PDGFRL: variants seen among roughly 807,000 people sequenced by gnomAD.
The protein encoded by PDGFRL is platelet-derived growth factor receptor-like protein.
Under a neutral mutation model 37.2 loss-of-function variants are expected in PDGFRL, and 46 were observed. That is an observed-to-expected ratio of 1.24 (90% CI 0.98 to 1.58). The LOEUF is 1.58. PDGFRL is among the 40% of genes most tolerant of loss of function. The pLI, the probability that PDGFRL is intolerant of heterozygous loss-of-function variation, is 0.00. For synonymous variants in PDGFRL, 251 were observed against 184.3 expected (o/e 1.36, Z -2.93); for missense variants, 692 against 467.6 (o/e 1.48, Z -4.43).
chr8:17,637,078 C>T (rs964280797), intron 5 of PDGFRL, among the ~76,000 whole-genome samples: 7 of 152,144 alleles, frequency 4.6e-5, no homozygotes, highest in Non-Finnish European at 7.4e-5. Context: ...AGTTTGACTT[C>T]GCTTTATTGA....
intron 3 of PDGFRL, among the ~76,000 whole-genome samples, chr8:17,622,300 T>C (rs1804650439): frequency 6.6e-6 from 1 of 152,242 alleles, no homozygotes; most frequent in Admixed American, 6.5e-5. Context: ...CCTCGTCCTA[T>C]TGTCGTCCAA....
At chr8:17,585,111 T>C (rs1317855468) in intron 1 of PDGFRL, among the ~76,000 whole-genome samples, 2 of 152,158 alleles carry the variant, frequency 1.3e-5, no homozygotes, top group African/African-American at 4.8e-5. Flanking sequence ...TGGGAGTGTC[T>C]TCTAGCATGC....
At chr8:17,617,520 C>A (rs1466560448) in intron 2 of PDGFRL, among the ~76,000 whole-genome samples, 5 of 152,070 alleles carry the variant, frequency 3.3e-5, no homozygotes, top group Non-Finnish European at 7.4e-5. Flanking sequence ...CTGCAGAGGC[C>A]CTCGGTCACT....
chr8:17,633,764 C>A (rs566499217), intron 4 of PDGFRL, among the ~76,000 whole-genome samples: 7 of 152,184 alleles, frequency 4.6e-5, no homozygotes, highest in Non-Finnish European at 8.8e-5. Context: ...CTAGGGACTT[C>A]TTCCCCCTCA....
chr8:17,622,579 T>G (rs77648800), intron 3 of PDGFRL, among the ~76,000 whole-genome samples: 7 of 152,194 alleles, frequency 4.6e-5, no homozygotes, highest in Non-Finnish European at 1.0e-4. Context: ...TGGAAGCACA[T>G]GTATCTCATT....
intron 5 of PDGFRL, among the ~76,000 whole-genome samples, chr8:17,639,925 T>C (rs1029167638): frequency 1.3e-5 from 2 of 152,232 alleles, no homozygotes; most frequent in African/African-American, 4.8e-5. Flanking sequence ...ATTCTTAGGT[T>C]TGTTTGTTTA....
intron 2 of PDGFRL, among the ~76,000 whole-genome samples, chr8:17,604,958 G>T (rs1384920992): frequency 1.3e-5 from 2 of 151,940 alleles, no homozygotes; most frequent in Non-Finnish European, 2.9e-5. Flanking sequence ...TACGAAAAAA[G>T]ATACACAAAT....
At chr8:17,581,982 G>C (rs1404802506) in intron 1 of PDGFRL, among the ~76,000 whole-genome samples, 3 of 152,148 alleles carry the variant, frequency 2.0e-5, no homozygotes, top group African/African-American at 2.4e-5. Context: ...AGTTTGGAGG[G>C]CTCAGAAGAA....
intron 2 of PDGFRL, among the ~76,000 whole-genome samples, chr8:17,611,593 G>A (rs144591942): frequency 9.3e-4 from 141 of 152,294 alleles, no homozygotes; most frequent in African/African-American, 3.1e-3. Flanking sequence ...GTGAAAATGA[G>A]CCGATGTGTC....
At chr8:17,605,523 G>GGT (rs1244181232) in intron 2 of PDGFRL, among the ~76,000 whole-genome samples, 6 of 152,038 alleles carry the variant, frequency 3.9e-5, no homozygotes, top group Admixed American at 3.9e-4. Flanking sequence ...ACACTTCCAG[G>GGT]GTGTAAAGCC....
At chr8:17,586,371 G>A (rs1803816861) in intron 1 of PDGFRL, among the ~76,000 whole-genome samples, 1 of 152,162 alleles carries the variant, frequency 6.6e-6, no homozygotes, top group Admixed American at 6.5e-5. Context: ...GGTTCTGTTT[G>A]GCTTGGAACT....
At chr8:17,615,580 G>A (rs7357517) in intron 2 of PDGFRL, among the ~76,000 whole-genome samples, 4,083 of 152,214 alleles carry the variant, frequency 0.027, 200 homozygotes, top group African/African-American at 0.093. Context: ...CCAACTTAAT[G>A]TAGCTGTGAG....
chr8:17,637,380 T>C (rs1804993887), intron 5 of PDGFRL, among the ~76,000 whole-genome samples: 3 of 152,202 alleles, frequency 2.0e-5, no homozygotes, highest in African/African-American at 7.2e-5. Flanking sequence ...GTGTATCCCA[T>C]TAATGTCTTG....
Position 17,589,483 on chromosome 8 carries a change from T to C in PDGFRL, c.71T>C (p.Leu24Pro). The C allele has an allele frequency of 6.2e-7, 1 of 1,613,088 alleles. No individual in the cohort carries two copies. The part of the protein sequence containing the change: ...EALEDVTGQH[L>P]PKNKRPKEPG... ...CGTTTTGCAGTTACTGGCCAACACC[T>C]TCCCAAGAACAAGCGTCCAAAAGAA... is the stretch of plus-strand genomic sequence containing the variant. Residue 24 changes from leucine to proline, a missense_variant, in exon 2 of 6, where the codon CTT becomes CCT. By Grantham distance (98) the Leu-to-Pro change is moderately conservative. Transcript: ENST00000251630.
In PDGFRL at chr8:17,609,944, T is replaced by C. The variant is rs983751459; in HGVS notation, c.354-11107T>C. ...ATTTACCATCAAAGTGGCATTGTTA[T>C]GAGCGATTACCTTGAAAACGTTGGC... On this transcript the variant is annotated intron_variant, in intron 2 of 5. Transcript: ENST00000251630. Among the ~76,000 whole-genome samples, 16 of 152,218 alleles carry C rather than the reference T, an allele frequency of 1.1e-4. No homozygotes were observed. In the East Asian group the frequency reaches 3.1e-3, roughly 29 times the overall value.
chr8:17,614,342 G>C (rs189977499), intron 2 of PDGFRL, among the ~76,000 whole-genome samples: 5 of 152,204 alleles, frequency 3.3e-5, no homozygotes, highest in East Asian at 1.9e-4. Context: ...CTGTTTCCCA[G>C]GATCTGTACT....
chr8:17,585,987 T>G (rs1006540519), intron 1 of PDGFRL, among the ~76,000 whole-genome samples: 1 of 152,176 alleles, frequency 6.6e-6, no homozygotes, highest in Non-Finnish European at 1.5e-5. Flanking sequence ...AGTCTCACTC[T>G]GTTGCCCAGG....
chr8:17,594,717 G>T (rs1804015443), intron 2 of PDGFRL, among the ~76,000 whole-genome samples: 1 of 152,076 alleles, frequency 6.6e-6, no homozygotes, highest in African/African-American at 2.4e-5. Flanking sequence ...ACCATGCCTG[G>T]CTAATTTTTG....
chr8:17,642,712 TTTGAGACGA>T lies in PDGFRL; in HGVS notation c.1044_1052del (p.Glu348_Ile350del), dbSNP rs1805168414. 6.2e-7 allele frequency: 1 copy of T among 1,605,998 alleles called. No individual in the cohort carries two copies. Among genetic ancestry groups the T allele is most frequent in the Middle Eastern group, 1.7e-4 (1 of 6,046 alleles). ...CCAGAGTGTCATTACAGTGGAAGAC[TTTGAGACGA>T]TTGATGCAGGATATTACATTTGCAC... On this transcript the variant is annotated inframe_deletion, in exon 6 of 6. Coordinates refer to ENST00000251630, the MANE Select transcript of PDGFRL (RefSeq NM_001372073.1).
Sources: gnomAD v4.1 joint callset for allele counts (sites outside exome capture counted in the v4.1 genomes callset) on GRCh38, gnomAD v4.1.1 for gene constraint, MANE v1.5 for transcripts, NCBI Gene and HGNC (gene_info 2026-07-23, HGNC 2026-07-21) for gene names.